DYNC1I1: variants seen among roughly 807,000 people sequenced by gnomAD.
DYNC1I1 encodes the protein cytoplasmic dynein 1 intermediate chain 1.
In DYNC1I1, 43 loss-of-function variants were observed where a neutral mutation model predicts 86.6. That is an observed-to-expected ratio of 0.50 (90% CI 0.39 to 0.64). The LOEUF (loss-of-function observed/expected upper bound fraction) is 0.64, where lower values mean the gene tolerates loss of function less well. Among genes scored for constraint, DYNC1I1 ranks in the 30% least tolerant of loss-of-function variants. The pLI, the probability that DYNC1I1 is intolerant of heterozygous loss-of-function variation, is 0.00. For missense variants in DYNC1I1, 604 were observed against 788.8 expected, an observed-to-expected ratio of 0.77 and a Z score of 2.81; for synonymous variants, 262 against 283.7, an observed-to-expected ratio of 0.92 and a Z score of 0.77.
chr7:95,813,781 A>G (rs564064859), intron 4 of DYNC1I1, among the ~76,000 whole-genome samples: 2 of 152,240 alleles, frequency 1.3e-5, no homozygotes, highest in South Asian at 4.2e-4. Context: ...TTGCTTAGTA[A>G]AGTTGACTAA....
chr7:95,792,653 C>T (rs1037406914), intron 1 of DYNC1I1, among the ~76,000 whole-genome samples: 8 of 152,260 alleles, frequency 5.3e-5, no homozygotes, highest in Admixed American at 3.3e-4. Context: ...CCATGTAAAA[C>T]TTACATTAAA....
intron 6 of DYNC1I1, among the ~76,000 whole-genome samples, chr7:95,908,553 A>G (rs1205206374): frequency 6.6e-6 from 1 of 151,774 alleles, no homozygotes; most frequent in Non-Finnish European, 1.5e-5. Flanking sequence ...CAACTCTTCA[A>G]CTCTGATTTC....
At chr7:95,801,683 CT>C (rs531717141) in intron 1 of DYNC1I1, among the ~76,000 whole-genome samples, 23 of 152,178 alleles carry the variant, frequency 1.5e-4, no homozygotes, top group Non-Finnish European at 3.2e-4. Flanking sequence ...TCATTTTTGA[CT>C]GTCAAAAAAT....
intron 1 of DYNC1I1, among the ~76,000 whole-genome samples, chr7:95,786,452 T>G (rs1484905352): frequency 2.0e-5 from 3 of 152,210 alleles, no homozygotes; most frequent in Non-Finnish European, 2.9e-5. Context: ...TGCAATGTTG[T>G]TAGTGTTTTC....
At chr7:95,910,721 A>G (rs1006919093) in intron 6 of DYNC1I1, among the ~76,000 whole-genome samples, 2 of 152,194 alleles carry the variant, frequency 1.3e-5, no homozygotes, top group African/African-American at 4.8e-5. Context: ...TTCAAGTCCT[A>G]TTGCTGTCAC....
chr7:95,984,770 T>C (rs1187327813), intron 7 of DYNC1I1, 45 bp from the exon 8 acceptor site: 4 of 1,539,380 alleles, frequency 2.6e-6, no homozygotes, highest in Non-Finnish European at 3.5e-6. Context: ...ATTGTCACTT[T>C]TTCTTCCCTA....
intron 6 of DYNC1I1, among the ~76,000 whole-genome samples, chr7:95,890,267 T>TA (rs1428238122): frequency 2.6e-5 from 4 of 152,218 alleles, no homozygotes; most frequent in African/African-American, 9.6e-5. Context: ...AGAATGAGAT[T>TA]ATGTCCTTTG....
chr7:95,901,353 G>C (rs989925308), intron 6 of DYNC1I1, among the ~76,000 whole-genome samples: 7 of 152,200 alleles, frequency 4.6e-5, no homozygotes, highest in Non-Finnish European at 8.8e-5. Flanking sequence ...AAAAGGGACA[G>C]AGTTCTCTGC....
intron 14 of DYNC1I1, among the ~76,000 whole-genome samples, chr7:96,042,108 C>G (rs1240554466): frequency 6.6e-6 from 1 of 151,970 alleles, no homozygotes; most frequent in African/African-American, 2.4e-5. Context: ...AATCTAAAAT[C>G]TAAACTACTT....
chr7:95,916,105 A>T (rs76734476), intron 6 of DYNC1I1, among the ~76,000 whole-genome samples: 2,211 of 152,328 alleles, frequency 0.015, 35 homozygotes, highest in East Asian at 0.029. Context: ...CTGCTTAACA[A>T]AGAACATCTA....
At chr7:95,957,027 G>C (rs1403479680) in intron 6 of DYNC1I1, among the ~76,000 whole-genome samples, 2 of 152,122 alleles carry the variant, frequency 1.3e-5, no homozygotes, top group South Asian at 4.2e-4. Context: ...ACTTCAGCTT[G>C]GTCAATGGCT....
intron 5 of DYNC1I1, among the ~76,000 whole-genome samples, chr7:95,861,930 T>A (rs1307482455): frequency 6.6e-6 from 1 of 152,162 alleles, no homozygotes; most frequent in Non-Finnish European, 1.5e-5. Flanking sequence ...AGCCTTTCTC[T>A]TTTTCCCTGT....
chr7:96,080,726 G>A (rs1790490796), intron 16 of DYNC1I1, among the ~76,000 whole-genome samples: 1 of 152,082 alleles, frequency 6.6e-6, no homozygotes, highest in Non-Finnish European at 1.5e-5. Context: ...CCTGTAGAAT[G>A]TCCCATCATC....
chr7:95,811,444 ATAGT>A (rs772936592), intron 3 of DYNC1I1, among the ~76,000 whole-genome samples: 43 of 152,170 alleles, frequency 2.8e-4, no homozygotes, highest in African/African-American at 5.3e-4. Context: ...ATTTATTTCC[ATAGT>A]TAGTTAAACT....
chr7:96,017,005 A>G (rs941579499), intron 10 of DYNC1I1, among the ~76,000 whole-genome samples: 12 of 152,210 alleles, frequency 7.9e-5, no homozygotes, highest in Admixed American at 7.2e-4. Flanking sequence ...TAAACTGGAG[A>G]CATTCACAAG....
In DYNC1I1 at chr7:95,968,571, T is replaced by C. The variant is rs1238131014; in HGVS notation, c.491-8941T>C. 1.3e-5 allele frequency among the ~76,000 whole-genome samples: 2 copies of C among 152,188 alleles called. 1 individual carries two copies. Among genetic ancestry groups the C allele is most frequent in the Middle Eastern group, 6.3e-3 (2 of 316 alleles). On this transcript the variant is annotated intron_variant, in intron 6 of 16. Coordinates refer to ENST00000447467, the MANE Select transcript of DYNC1I1 (RefSeq NM_001135556.2). ...TTTGGGACAGATCTACAGTCACTCC[T>C]AAAAGTTAAATATCATGACATCTCT... is the stretch of plus-strand genomic sequence containing the variant.
At chr7:95,955,061 A>G (rs752430920) in intron 6 of DYNC1I1, among the ~76,000 whole-genome samples, 1 of 152,110 alleles carries the variant, frequency 6.6e-6, no homozygotes, top group Non-Finnish European at 1.5e-5. Context: ...TTATCAGTCT[A>G]TAGTGAAGCA....
intron 6 of DYNC1I1, among the ~76,000 whole-genome samples, chr7:95,908,370 T>C (rs963226113): frequency 6.6e-6 from 1 of 152,156 alleles, no homozygotes; most frequent in African/African-American, 2.4e-5. Context: ...TATTGTGTTA[T>C]ACCCTAAATA....
intron 16 of DYNC1I1, among the ~76,000 whole-genome samples, chr7:96,081,959 T>C (rs1473817034): frequency 6.6e-6 from 1 of 152,188 alleles, no homozygotes; most frequent in African/African-American, 2.4e-5. Flanking sequence ...ATCTATTTCA[T>C]TTAACATCCC....
Sources: allele counts gnomAD v4.1 joint callset (sites outside exome capture counted in the v4.1 genomes callset), GRCh38; gene constraint gnomAD v4.1.1; transcripts MANE v1.5; gene names NCBI Gene and HGNC (gene_info 2026-07-23, HGNC 2026-07-21).